The following FGF13 variants were observed in gnomAD, a reference collection of about 807,000 sequenced individuals.
FGF13 encodes the protein fibroblast growth factor homologous factor 2.
In FGF13, 2 loss-of-function variants were observed where a neutral mutation model predicts 19.5. That is an observed-to-expected ratio of 0.10 (90% CI 0.04 to 0.32). The LOEUF is 0.32. Among genes scored for constraint, FGF13 ranks in the 10% least tolerant of loss-of-function variants. The probability of loss-of-function intolerance (pLI) is 1.00; values close to 1 mark genes in which losing one functional copy is unlikely to be tolerated. For missense variants in FGF13, 113 were observed against 192.7 expected (o/e 0.59, Z 2.45); for synonymous variants, 72 against 76.9 (o/e 0.94, Z 0.33).
At chrX:139,128,296 C>G (rs2083732472) in intron 1 of FGF13, among the ~76,000 whole-genome samples, 1 of 111,399 alleles carries the variant, frequency 9.0e-6, no homozygotes, top group Non-Finnish European at 1.9e-5. Flanking sequence ...GCCTGGATAC[C>G]TATCTTATTC....
At chrX:138,762,017 A>T (rs1437659434) in intron 3 of FGF13, among the ~76,000 whole-genome samples, 1 of 108,232 alleles carries the variant, frequency 9.2e-6, no homozygotes, top group Admixed American at 1.0e-4. Context: ...GCAGTCCAGT[A>T]TAGTGGCCAC....
intron 1 of FGF13, among the ~76,000 whole-genome samples, chrX:139,062,451 C>T (rs2092339541): frequency 8.9e-6 from 1 of 111,848 alleles, no homozygotes; most frequent in South Asian, 3.7e-4. Flanking sequence ...ATTACTGTAA[C>T]TTTATAGTAT....
chrX:139,039,422 A>G (rs5976254), intron 1 of FGF13, among the ~76,000 whole-genome samples: 2,148 of 112,160 alleles, frequency 0.019, 54 homozygotes, highest in African/African-American at 0.065. Flanking sequence ...TTTCCTAAAA[A>G]GGATGTGTTT....
intron 1 of FGF13, among the ~76,000 whole-genome samples, chrX:139,133,224 T>C (rs1238954868): frequency 1.0e-4 from 11 of 109,402 alleles, no homozygotes; most frequent in African/African-American, 3.3e-4. Flanking sequence ...GGAAACACTA[T>C]TGTAAGTAAC....
intron 1 of FGF13, chrX:138,990,420 C>A (rs1308702603): frequency 9.1e-6 from 1 of 110,335 alleles, no homozygotes; most frequent in Non-Finnish European, 1.9e-5. Flanking sequence ...CTAACCAGAG[C>A]CCCTGTATTA....
intron 3 of FGF13, among the ~76,000 whole-genome samples, chrX:138,818,640 C>T (rs1267135270): frequency 9.1e-6 from 1 of 109,905 alleles, no homozygotes. Flanking sequence ...GATTTGCTCA[C>T]AGCACCCCAG....
rs770115023 is a variant in FGF13 at position 138,829,443 on chromosome X, C to T, written c.217+28069G>A. 1.1e-4 allele frequency among the ~76,000 whole-genome samples: 12 copies of T among 111,418 alleles called. No homozygotes were observed. In the South Asian group the frequency reaches 2.7e-3, roughly 25 times the overall value. On this transcript the variant is annotated intron_variant, in intron 3 of 6. Coordinates refer to the FGF13 transcript ENST00000436198. ...TCTCTCACCATGTGATCTCTGCAGA[C>T]GCCTGTTCTGCTGCTTCTTCCATGA...
intron 1 of FGF13, among the ~76,000 whole-genome samples, chrX:138,987,743 T>G (rs2124343399): frequency 8.9e-6 from 1 of 112,081 alleles, no homozygotes; most frequent in African/African-American, 3.2e-5. Flanking sequence ...CATGGTGAAG[T>G]TAACATTTGT....
intron 1 of FGF13, among the ~76,000 whole-genome samples, chrX:139,034,908 C>T (rs1274152411): frequency 1.8e-5 from 2 of 111,635 alleles, no homozygotes; most frequent in East Asian, 2.8e-4. Flanking sequence ...GGAATGTTTT[C>T]ATAATAACAA....
chrX:138,735,216 A>G lies in FGF13; in HGVS notation c.28+4026T>C, dbSNP rs182097229. ...AGTGGAACAATGAATACTACAAAGA[A>G]CACTTATATTTTGTATTTACGCAGA... On this transcript the variant is annotated intron_variant, in intron 1 of 4. Transcript: ENST00000305414. 4.5e-5 allele frequency among the ~76,000 whole-genome samples: 5 copies of G among 112,272 alleles called. No homozygotes were observed. In the Admixed American group the frequency reaches 4.7e-4, roughly 11 times the overall value.
rs1025591831 is a variant in FGF13, at chrX:138,915,705, A to T, written c.-112-51055T>A. 3.6e-5 allele frequency among the ~76,000 whole-genome samples: 4 copies of T among 111,733 alleles called. No homozygotes were observed. The Admixed American group carries it at 3.8e-4, about 11-fold the overall frequency. ...GGTCTTCTCTTCATCATTGTCACCA[A>T]TTTTTATACCCCCTCTTCAGAGATG... On this transcript the variant is annotated intron_variant, in intron 1 of 2. Transcript: ENST00000421460.
intron 1 of FGF13, among the ~76,000 whole-genome samples, chrX:139,189,196 C>T (rs1388461127): frequency 9.0e-6 from 1 of 111,241 alleles, no homozygotes; most frequent in Non-Finnish European, 1.9e-5. Flanking sequence ...ATTGATGCCT[C>T]AATTCTCCAG....
downstream of FGF13, among the ~76,000 whole-genome samples, chrX:138,853,900 C>A (rs2091241647): frequency 9.0e-6 from 1 of 111,310 alleles, no homozygotes; most frequent in South Asian, 3.8e-4. Flanking sequence ...CTTCGAACAT[C>A]AGTAAAAGTC....
chrX:138,943,475 A>T (rs1381432804), intron 1 of FGF13, among the ~76,000 whole-genome samples: 2 of 112,060 alleles, frequency 1.8e-5, no homozygotes, highest in Non-Finnish European at 3.8e-5. Flanking sequence ...TGAAAATCAC[A>T]TAAAGCATGC....
chrX:139,098,888 A>C (rs2083488385), intron 1 of FGF13, among the ~76,000 whole-genome samples: 1 of 112,083 alleles, frequency 8.9e-6, no homozygotes, highest in South Asian at 3.8e-4. Context: ...TCTAAAATTT[A>C]AAAAGAAAAG....
At chrX:139,077,860 C>A (rs1377823625) in intron 1 of FGF13, among the ~76,000 whole-genome samples, 2 of 111,314 alleles carry the variant, frequency 1.8e-5, no homozygotes, top group African/African-American at 6.5e-5. Context: ...TATCGTGTTA[C>A]CCATTTGAAA....
At position 138,673,344 on chromosome X, in the gene FGF13, G is replaced by A. The variant is rs1039970230; in HGVS notation, c.402+29640C>T. On this transcript the variant is annotated intron_variant, in intron 3 of 4. Coordinates refer to ENST00000315930, the MANE Select transcript of FGF13 (RefSeq NM_004114.5). Reference sequence around the variant, plus strand: ...GGGCTCAGGGGATTGGTTTGACCAGGCATGTTATTTACGTAGCCCGCGGAA... The same window carrying A: ...GGGCTCAGGGGATTGGTTTGACCAGACATGTTATTTACGTAGCCCGCGGAA... Among the ~76,000 whole-genome samples, 5 of 111,178 alleles carry A rather than the reference G, an allele frequency of 4.5e-5. No individual in the cohort carries two copies. The East Asian group carries it at 1.1e-3, about 25-fold the overall frequency.
chrX:139,156,868 C>T (rs1033194920), intron 1 of FGF13, among the ~76,000 whole-genome samples: 1 of 111,794 alleles, frequency 8.9e-6, no homozygotes, highest in Non-Finnish European at 1.9e-5. Context: ...TACGTCATTG[C>T]TTTATGTCAA....
intron 2 of FGF13, among the ~76,000 whole-genome samples, chrX:138,704,019 G>A (rs1346754643): frequency 8.9e-6 from 1 of 112,271 alleles, no homozygotes; most frequent in Non-Finnish European, 1.9e-5. Context: ...CGGCTTCAGA[G>A]TAGTATTTCT....
Sources: allele counts gnomAD v4.1 joint callset (sites outside exome capture counted in the v4.1 genomes callset), GRCh38; gene constraint gnomAD v4.1.1; transcripts MANE v1.5; gene names NCBI Gene and HGNC (gene_info 2026-07-23, HGNC 2026-07-21).